Variants in ZNF567 observed in about 807,000 individuals in gnomAD.
ZNF567 encodes zinc finger protein 567.
ZNF567 carries 36 observed loss-of-function variants against 53.9 expected under a neutral mutation model. That is an observed-to-expected ratio of 0.67 (90% confidence interval 0.51 to 0.88). The LOEUF (loss-of-function observed/expected upper bound fraction) is 0.88. Among genes scored for constraint, ZNF567 ranks in the 40% least tolerant of loss-of-function variants. ZNF567 has a pLI of 0.00. For synonymous variants in ZNF567, 224 were observed against 260.4 expected (o/e 0.86, Z 1.35); for missense variants, 619 against 764.7 (o/e 0.81, Z 2.25).
chr19:36,720,835 A>G lies in ZNF567; in HGVS notation c.*167A>G, dbSNP rs2040276522. On this transcript the variant is annotated 3_prime_UTR_variant, in exon 6 of 6. Coordinates refer to ENST00000682579, the MANE Select transcript of ZNF567 (RefSeq NM_001322917.1). Reference sequence around the variant, plus strand: ...CTGTTTACTAGCATATAAAATAAGTATGATCATTATTATTGAACTCTATCA... The same window carrying G: ...CTGTTTACTAGCATATAAAATAAGTGTGATCATTATTATTGAACTCTATCA... The G allele has an allele frequency of 7.3e-6, 4 of 549,648 alleles. No individual in the cohort carries two copies. Among genetic ancestry groups the G allele is most frequent in the South Asian group, 5.5e-5 (1 of 18,058 alleles). 34.0% of individuals were successfully genotyped at this position (549,648 alleles called of 1,614,324 possible).
At chr19:36,697,476 A>G (rs2038943115) in intron 3 of ZNF567, among the ~76,000 whole-genome samples, 1 of 151,984 alleles carries the variant, frequency 6.6e-6, no homozygotes, top group Non-Finnish European at 1.5e-5. Flanking sequence ...TTTCCTTACT[A>G]CATTGTCTAG....
the ZNF567 span, among the ~76,000 whole-genome samples, chr19:36,669,587 A>G: frequency 5.3e-5 from 8 of 152,170 alleles, no homozygotes; most frequent in East Asian, 1.4e-3. Context: ...AGTGAGAAAA[A>G]AGCAGTCCGA....
chr19:36,695,620 G>GC (rs748403374), intron 3 of ZNF567, among the ~76,000 whole-genome samples: 2 of 151,816 alleles, frequency 1.3e-5, no homozygotes, highest in Non-Finnish European at 2.9e-5. Flanking sequence ...GATGGCTTAA[G>GC]CCCAGAGGTC....
At chr19:36,667,771 T>TCC in the ZNF567 span, among the ~76,000 whole-genome samples, 1 of 150,172 alleles carries the variant, frequency 6.7e-6, no homozygotes, top group Admixed American at 6.6e-5. Context: ...TGCCTCAGCC[T>TCC]CCCGAGTAGC....
chr19:36,689,994 A>G (rs1271204064), intron 2 of ZNF567, among the ~76,000 whole-genome samples: 2 of 152,196 alleles, frequency 1.3e-5, no homozygotes, highest in East Asian at 3.8e-4. Flanking sequence ...TACACTCAAC[A>G]GCTCTATAAG....
chr19:36,721,731 T>A (rs1358609541), downstream of ZNF567, among the ~76,000 whole-genome samples: 2 of 79,534 alleles, frequency 2.5e-5, no homozygotes, highest in Admixed American at 1.3e-4. Flanking sequence ...AGTACCAGAG[T>A]CTTTTTTTTT....
intron 3 of ZNF567, among the ~76,000 whole-genome samples, chr19:36,709,215 C>T (rs2039650347): frequency 6.6e-6 from 1 of 152,156 alleles, no homozygotes; most frequent in Non-Finnish European, 1.5e-5. Context: ...ATTCCTGACA[C>T]ACTAAAACTT....
Position 36,712,815 on chromosome 19 carries a change from G to A in ZNF567, c.171G>A (p.Lys57=). 1.2e-6 allele frequency: 2 copies of A among 1,614,094 alleles called. No individual in the cohort carries two copies. Among genetic ancestry groups the A allele is most frequent in the Non-Finnish European group, 1.7e-6 (2 of 1,180,010 alleles). ...TGACCAAACCTGATGTGATCCTCAA[G>A]TTGGAACGAGGAGAAGAGCCATGGA... ...CHMTKPDVIL[K]LERGEEPWTS... The change falls in exon 5 of 6, where the codon AAG becomes AAA. Residue 57 remains lysine (K), a synonymous_variant. Transcript: ENST00000682579.
At chr19:36,705,158 T>C (rs1297700133) in intron 3 of ZNF567, among the ~76,000 whole-genome samples, 2 of 152,172 alleles carry the variant, frequency 1.3e-5, no homozygotes, top group Non-Finnish European at 2.9e-5. Context: ...AGCTTTTAGT[T>C]TCATGGATTT....
At chr19:36,712,953 C>T in intron 5 of ZNF567, 86 bp downstream of exon 5, 1 of 1,061,942 alleles carries the variant, frequency 9.4e-7, no homozygotes, top group Non-Finnish European at 1.4e-6. Context: ...TGAAATGTTT[C>T]AGGAGTATCT....
chr19:36,677,458 CAAAAAA>C, the ZNF567 span, among the ~76,000 whole-genome samples: 34 of 50,898 alleles, frequency 6.7e-4, no homozygotes, highest in East Asian at 1.5e-3. Flanking sequence ...GACTCTGTCT[CAAAAAA>C]AAAAAAAAAA....
chr19:36,703,367 GGGGGTCA>G (rs2039314669), intron 3 of ZNF567, among the ~76,000 whole-genome samples: 2 of 152,000 alleles, frequency 1.3e-5, no homozygotes, highest in South Asian at 4.2e-4. Flanking sequence ...TAGGCTGCTC[GGGGGTCA>G]GGGGTCAGGG....
rs538471449 is a variant in ZNF567 at position 36,698,240 on chromosome 19, C to T, written c.9+3364C>T. Among the ~76,000 whole-genome samples the T allele has an allele frequency of 3.3e-5, 5 of 152,114 alleles. No homozygotes were observed. In the South Asian group the frequency reaches 1.0e-3, roughly 32 times the overall value. On this transcript the variant is annotated intron_variant, in intron 3 of 5. Transcript: ENST00000682579. Reference sequence around the variant, plus strand: ...ATTTCCAATTTCATCCATGTCCCTACAAAGGACATGAACTCATCATTTTTT... The same window carrying T: ...ATTTCCAATTTCATCCATGTCCCTATAAAGGACATGAACTCATCATTTTTT...
the ZNF567 span, among the ~76,000 whole-genome samples, chr19:36,676,488 GC>G: frequency 6.6e-6 from 1 of 151,798 alleles, no homozygotes; most frequent in African/African-American, 2.4e-5. Flanking sequence ...CCTTCCATAT[GC>G]TGCCCAGCTG....
Position 36,719,800 on chromosome 19 carries a change from A to C in ZNF567, c.1076A>C (p.His359Pro). The stretch of plus-strand genomic sequence containing the variant: ...CACCTCATTCGTCATCAGAGAACTC[A>C]CACGGGAGAGAAACCATATGAGTGT... ...KSHLIRHQRT[H>P]TGEKPYECND... The change falls in exon 6 of 6, where the codon CAC (histidine) becomes CCC (proline). Residue 359 changes from histidine to proline, a missense_variant. Coordinates refer to ENST00000682579, the MANE Select transcript of ZNF567 (RefSeq NM_001322917.1). 2 of 1,614,218 alleles carry C rather than the reference A, an allele frequency of 1.2e-6. No individual in the cohort carries two copies. The highest frequency in any genetic ancestry group is 1.7e-6 in the Non-Finnish European group (2 of 1,180,034).
the ZNF567 span, among the ~76,000 whole-genome samples, chr19:36,667,139 A>G: frequency 1.3e-5 from 2 of 152,044 alleles, no homozygotes; most frequent in African/African-American, 2.4e-5. Flanking sequence ...GTGGTGAGAA[A>G]GGTGTTTTGT....
At chr19:36,700,493 G>T (rs1311621458) in intron 3 of ZNF567, among the ~76,000 whole-genome samples, 1 of 150,524 alleles carries the variant, frequency 6.6e-6, no homozygotes, top group African/African-American at 2.4e-5. Context: ...GTTTCAGAAG[G>T]AATGGTACCA....
chr19:36,698,018 C>CTA (rs1453171272), intron 3 of ZNF567, among the ~76,000 whole-genome samples: 1 of 151,168 alleles, frequency 6.6e-6, no homozygotes, highest in Non-Finnish European at 1.5e-5. Flanking sequence ...TGGTGTGCTG[C>CTA]ACCCATTAAC....
chr19:36,711,962 T>C (rs563328547), intron 3 of ZNF567: 1 of 153,298 alleles, frequency 6.5e-6, no homozygotes, highest in South Asian at 2.0e-4. Context: ...ACAGGGAAAA[T>C]TGTAGTCTTT....
Sources: gnomAD v4.1 joint callset for allele counts (sites outside exome capture counted in the v4.1 genomes callset) on GRCh38, gnomAD v4.1.1 for gene constraint, MANE v1.5 for transcripts, NCBI Gene and HGNC (gene_info 2026-07-23, HGNC 2026-07-21) for gene names.